The following ARHGEF18 variants were observed in gnomAD, a reference collection of about 807,000 sequenced individuals.
ARHGEF18 encodes the protein Rho/Rac guanine nucleotide exchange factor 18.
In ARHGEF18, 93 loss-of-function variants were observed where a neutral mutation model predicts 155.7. That is an observed-to-expected ratio of 0.60 (90% CI 0.50 to 0.71). ARHGEF18 has a LOEUF of 0.71. Among genes scored for constraint, ARHGEF18 ranks in the 30% least tolerant of loss-of-function variants. ARHGEF18 has a pLI of 0.00. For missense variants in ARHGEF18, 1,593 were observed against 1,816.1 expected (o/e 0.88, Z 2.23); for synonymous variants, 742 against 753.1 (o/e 0.99, Z 0.24).
At chr19:7,404,984 T>C (rs963883245) in intron 10 of ARHGEF18, among the ~76,000 whole-genome samples, 1 of 151,914 alleles carries the variant, frequency 6.6e-6, no homozygotes, top group Non-Finnish European at 1.5e-5. Context: ...TTTTTTGAGA[T>C]GGAGTCTCAC....
intron 2 of ARHGEF18, among the ~76,000 whole-genome samples, chr19:7,370,006 C>T (rs780018110): frequency 8.6e-5 from 13 of 151,894 alleles, no homozygotes; most frequent in Non-Finnish European, 8.8e-5. Flanking sequence ...AGACCAGCCT[C>T]GGCAACATGA....
At chr19:7,403,545 C>CTTTTTT (rs1367341392) in intron 10 of ARHGEF18, among the ~76,000 whole-genome samples, 1 of 141,272 alleles carries the variant, frequency 7.1e-6, no homozygotes, top group African/African-American at 3.1e-5. Context: ...TTCTTTCTTT[C>CTTTTTT]TTTCTTTCTT....
At chr19:7,409,061 T>TG (rs1452418089) in intron 10 of ARHGEF18, among the ~76,000 whole-genome samples, 14 of 145,750 alleles carry the variant, frequency 9.6e-5, no homozygotes, top group Non-Finnish European at 2.0e-4. Flanking sequence ...CTGTTTCTTT[T>TG]TTTTTTTTTT....
At position 7,441,919 on chromosome 19, in the gene ARHGEF18, C is replaced by T. The variant is rs767832048; in HGVS notation, c.1227C>T (p.Tyr409=). The part of the protein sequence containing the change: ...NTESIFVEDP[Y]TASLRSEIES... ...ACCTCGCTCTTCCCTCAGATCCCTA[C>T]ACCGCCTCGCTGAGGAGTGAGATTG... The change falls in exon 13 of 29, where the codon TAC becomes TAT. Residue 409 remains tyrosine (Y), a synonymous_variant. Coordinates refer to ENST00000668164, the MANE Select transcript of ARHGEF18 (RefSeq NM_001367823.1). The T allele has an allele frequency of 1.1e-5, 18 of 1,614,078 alleles. No homozygotes were observed. In the Admixed American group the frequency reaches 1.3e-4, roughly 12 times the overall value.
rs59714990 is a variant in ARHGEF18, at chr19:7,399,487, CT to C, written c.967+16296del. Among the ~76,000 whole-genome samples the C allele has an allele frequency of 5.4e-3, 783 of 144,010 alleles. 33 individuals are homozygous for C. In the East Asian group the frequency reaches 0.11, roughly 19 times the overall value. 94.5% of individuals were successfully genotyped at this position (144,010 alleles called of 152,430 possible). ...GATACACTAATGTTTTTTTTTCCTT[CT>C]TTTTTTTTTTTGAGACAGAGTTTTG... On this transcript the variant is annotated intron_variant, in intron 10 of 28. Transcript: ENST00000668164.
downstream of ARHGEF18, among the ~76,000 whole-genome samples, chr19:7,473,927 G>A (rs1001288333): frequency 2.0e-5 from 3 of 151,472 alleles, no homozygotes; most frequent in Admixed American, 6.6e-5. Flanking sequence ...AAGTTGCAGT[G>A]AGCTATGATC....
At chr19:7,458,402 TGAG>T (rs899353613) in intron 18 of ARHGEF18, 107 bp from the exon 19 acceptor site, 1 of 952,074 alleles carries the variant, frequency 1.1e-6, no homozygotes, top group African/African-American at 1.7e-5. Flanking sequence ...TGAAAAGAAA[TGAG>T]GAGCGTGACC....
At chr19:7,361,916 C>T (rs989768141) in intron 1 of ARHGEF18, among the ~76,000 whole-genome samples, 12 of 151,350 alleles carry the variant, frequency 7.9e-5, no homozygotes, top group African/African-American at 2.4e-4. Context: ...GGCTTGAACT[C>T]GGGAGGCGGA....
chr19:7,363,053 G>T lies in ARHGEF18; in HGVS notation c.15+148G>T, dbSNP rs1969697213. ...AACTTGCAAAGTCATTTATTATCCT[G>T]TTTTACCTATGAGGAAACCAGAATC... On this transcript the variant is annotated intron_variant, in intron 2 of 28. Transcript: ENST00000668164. The T allele has an allele frequency of 4.9e-6, 5 of 1,015,074 alleles. No individual in the cohort carries two copies. The African/African-American group carries it at 6.7e-5, about 14-fold the overall frequency. The allele number at this position is 1,015,074 out of a possible 1,614,324, so 62.9% of individuals were successfully genotyped here. A position where few individuals can be genotyped will look rare whatever the true frequency, so the allele number is the denominator to read the frequency against.
chr19:7,391,709 C>T (rs1454138544), intron 10 of ARHGEF18, among the ~76,000 whole-genome samples: 1 of 152,078 alleles, frequency 6.6e-6, no homozygotes, highest in Non-Finnish European at 1.5e-5. Context: ...GCCAGTTGCT[C>T]TCAGCCAAGG....
intron 1 of ARHGEF18, among the ~76,000 whole-genome samples, chr19:7,360,609 C>T (rs1451828163): frequency 6.6e-6 from 1 of 152,158 alleles, no homozygotes; most frequent in African/African-American, 2.4e-5. Flanking sequence ...TGAGGTCCTG[C>T]AGGCTACAGG....
intron 10 of ARHGEF18, among the ~76,000 whole-genome samples, chr19:7,423,830 C>T (rs1418096373): frequency 6.6e-6 from 1 of 151,812 alleles, no homozygotes; most frequent in African/African-American, 2.4e-5. Flanking sequence ...CAGCCCGCAT[C>T]CCTACACTTG....
Position 7,468,823 on chromosome 19 carries a change from A to G in ARHGEF18, c.3481-2A>G, listed in dbSNP as rs747849238. On this transcript the variant is annotated splice_acceptor_variant, in intron 26 of 28. Transcript: ENST00000668164. LOFTEE classifies it high-confidence loss of function. ...TGGATGTATCTGCTGTTGTCCCCTC[A>G]GGCCCAGCCCCCAAGCCACCCTCCC... is the stretch of plus-strand genomic sequence containing the variant. The G allele has an allele frequency of 6.5e-7, 1 of 1,545,842 alleles. No individual in the cohort carries two copies. Among genetic ancestry groups the G allele is most frequent in the Non-Finnish European group, 8.8e-7 (1 of 1,141,072 alleles).
chr19:7,394,903 G>C, intron 10 of ARHGEF18: 1 of 190,964 alleles, frequency 5.2e-6, no homozygotes, highest in Non-Finnish European at 9.4e-6. Flanking sequence ...CCGCTGACCC[G>C]CCCCTCAAAA....
rs1024570993 is a variant in ARHGEF18, at chr19:7,467,210, G to A, written c.3010-4G>A. 1.9e-6 allele frequency: 3 copies of A among 1,584,164 alleles called. No homozygotes were observed. The highest frequency in any genetic ancestry group is 2.3e-5 in the East Asian group (1 of 44,232). ...CTCACTCGCCTGGCCCTGGCCCTCCGCAGGCGGTAATCGCCCACCAGGACA... is the reference window on the plus strand; with the variant it reads ...CTCACTCGCCTGGCCCTGGCCCTCCACAGGCGGTAATCGCCCACCAGGACA... On this transcript the variant is annotated splice_polypyrimidine_tract_variant and splice_region_variant and intron_variant, in intron 25 of 28. Transcript: ENST00000668164.
intron 10 of ARHGEF18, among the ~76,000 whole-genome samples, chr19:7,439,297 A>G (rs749008912): frequency 2.8e-5 from 4 of 143,182 alleles, no homozygotes; most frequent in African/African-American, 5.3e-5. Context: ...CCCAACCTCT[A>G]CAAGAAAATA....
In ARHGEF18 at chr19:7,356,008, G is replaced by A. The variant is rs939265621; in HGVS notation, c.-111+6767G>A. ...CTGAACTCCTCAGGGGCAGCCCAGC[G>A]ATCTCCTGGGGGTCCCAGATGCTGT... On this transcript the variant is annotated intron_variant, in intron 1 of 28. Coordinates refer to ENST00000668164, the MANE Select transcript of ARHGEF18 (RefSeq NM_001367823.1). Among the ~76,000 whole-genome samples the A allele has an allele frequency of 6.6e-5, 10 of 152,148 alleles. No homozygotes were observed. The South Asian group carries it at 1.7e-3, about 25-fold the overall frequency.
intron 10 of ARHGEF18, among the ~76,000 whole-genome samples, chr19:7,414,251 C>T (rs1235448733): frequency 9.7e-6 from 1 of 103,122 alleles, no homozygotes; most frequent in African/African-American, 3.1e-5. Context: ...GCAAGAATCA[C>T]CCCTGGTAGA....
At chr19:7,408,048 G>A (rs923876636) in intron 10 of ARHGEF18, among the ~76,000 whole-genome samples, 6 of 151,596 alleles carry the variant, frequency 4.0e-5, no homozygotes, top group Non-Finnish European at 8.8e-5. Context: ...GGAGGCAGAG[G>A]TGGGCAGATC....
Sources: allele counts gnomAD v4.1 joint callset (sites outside exome capture counted in the v4.1 genomes callset), GRCh38; gene constraint gnomAD v4.1.1; transcripts MANE v1.5; gene names NCBI Gene and HGNC (gene_info 2026-07-23, HGNC 2026-07-21).